Variants in NAALADL2 observed in about 807,000 individuals in gnomAD.
NAALADL2 encodes the protein N-acetylated alpha-linked acidic dipeptidase like 2, also known as inactive N-acetylated-alpha-linked acidic dipeptidase-like protein 2.
A neutral mutation model predicts 87.2 loss-of-function variants in NAALADL2; 76 were observed. That is an observed-to-expected ratio of 0.87 (90% CI 0.72 to 1.05). The LOEUF (loss-of-function observed/expected upper bound fraction) is 1.05. Among genes scored for constraint, NAALADL2 ranks in the 50% least tolerant of loss-of-function variants. The probability of loss-of-function intolerance (pLI) is 0.00; values close to 1 mark genes in which losing one functional copy is unlikely to be tolerated. For synonymous variants in NAALADL2, 354 were observed against 331.0 expected (o/e 1.07, Z -0.75); for missense variants, 1,089 against 945.8 (o/e 1.15, Z -1.99).
At chr3:175,371,375 C>G (rs28762974) in intron 5 of NAALADL2, among the ~76,000 whole-genome samples, 37,541 of 151,930 alleles carry the variant, frequency 0.25, 4,795 homozygotes, top group Admixed American at 0.27. Flanking sequence ...TCTCGCCGTT[C>G]TCCTGCCTCA....
At chr3:174,748,815 C>T (rs1405203979) in intron 3 of NAALADL2, among the ~76,000 whole-genome samples, 2 of 152,212 alleles carry the variant, frequency 1.3e-5, no homozygotes, top group East Asian at 1.9e-4. Flanking sequence ...GTCTACAATG[C>T]AATAAGCCAA....
chr3:175,216,693 G>T (rs1449961214), intron 2 of NAALADL2, among the ~76,000 whole-genome samples: 1 of 117,766 alleles, frequency 8.5e-6, no homozygotes, highest in Non-Finnish European at 1.6e-5. Flanking sequence ...TTTTGAGAAG[G>T]TGTCTCGCCC....
At chr3:175,371,484 T>C (rs189300942) in intron 5 of NAALADL2, among the ~76,000 whole-genome samples, 4 of 152,034 alleles carry the variant, frequency 2.6e-5, no homozygotes, top group African/African-American at 9.6e-5. Context: ...AGTCAAGATA[T>C]GGATAATATT....
intron 1 of NAALADL2, among the ~76,000 whole-genome samples, chr3:174,954,360 T>C (rs947715756): frequency 1.3e-5 from 2 of 152,154 alleles, no homozygotes; most frequent in Admixed American, 6.6e-5. Context: ...AATTAAGTTA[T>C]TAAATGAAAA....
chr3:175,295,512 A>G (rs899498858), intron 4 of NAALADL2, among the ~76,000 whole-genome samples: 3 of 152,078 alleles, frequency 2.0e-5, no homozygotes, highest in African/African-American at 7.2e-5. Context: ...GTACAAAAAA[A>G]TTACTAAGGC....
intron 1 of NAALADL2, among the ~76,000 whole-genome samples, chr3:175,068,760 C>T (rs1471755651): frequency 1.3e-5 from 2 of 152,030 alleles, no homozygotes; most frequent in African/African-American, 4.8e-5. Flanking sequence ...AAACATTGGT[C>T]GAGTTATATT....
chr3:175,512,438 A>C (rs974268107), intron 9 of NAALADL2, among the ~76,000 whole-genome samples: 28 of 152,170 alleles, frequency 1.8e-4, no homozygotes, highest in African/African-American at 6.8e-4. Flanking sequence ...TGAATTTATA[A>C]GGCATTGTTA....
At chr3:175,280,098 A>G (rs983474603) in intron 4 of NAALADL2, among the ~76,000 whole-genome samples, 1 of 151,840 alleles carries the variant, frequency 6.6e-6, no homozygotes, top group Non-Finnish European at 1.5e-5. Context: ...CAGCACCCAC[A>G]TTCATCTGTT....
At chr3:174,468,421 C>G (rs894106608) in intron 1 of NAALADL2, among the ~76,000 whole-genome samples, 1 of 141,454 alleles carries the variant, frequency 7.1e-6, no homozygotes, top group African/African-American at 2.6e-5. Context: ...CTCACTCTTG[C>G]CCAGGCTGGA....
At chr3:175,040,859 C>T (rs1272410875) in intron 1 of NAALADL2, among the ~76,000 whole-genome samples, 1 of 152,066 alleles carries the variant, frequency 6.6e-6, no homozygotes, top group Non-Finnish European at 1.5e-5. Flanking sequence ...TTATACAGAA[C>T]CCCATATTTA....
At chr3:174,751,979 T>C (rs1734874073) in intron 3 of NAALADL2, among the ~76,000 whole-genome samples, 1 of 152,146 alleles carries the variant, frequency 6.6e-6, no homozygotes, top group African/African-American at 2.4e-5. Context: ...TTTTTTTCTT[T>C]TTCTTTTTAT....
In NAALADL2 at chr3:175,219,860, TTTTC is replaced by T. The variant is rs201916647; in HGVS notation, c.546-14063_546-14060del. Among the ~76,000 whole-genome samples, 210 of 144,650 alleles carry T rather than the reference TTTTC, an allele frequency of 1.5e-3. 3 individuals carry two copies. Among genetic ancestry groups the T allele is most frequent in the African/African-American group, 5.5e-3 (198 of 36,002 alleles). The allele number at this position is 144,650 out of a possible 152,430, so 94.9% of individuals were successfully genotyped here. ...AATTTCTCTCAATAATAGTTTGTGG[TTTTC>T]TTTCTTTTTTTTTTTTTTGCCTATC... On this transcript the variant is annotated intron_variant, in intron 2 of 13. Transcript: ENST00000454872.
At chr3:175,262,575 A>AGTGTGTGTGTGTGTGTGTGT (rs71164625) in intron 4 of NAALADL2, among the ~76,000 whole-genome samples, 18 of 147,122 alleles carry the variant, frequency 1.2e-4, no homozygotes, top group African/African-American at 4.0e-4. Context: ...ATGTTGTGTG[A>AGTGTGTGTGTGTGTGTGTGT]GTGTGTGTGT....
chr3:175,777,292 A>T (rs1750375045), intron 13 of NAALADL2, among the ~76,000 whole-genome samples: 1 of 151,982 alleles, frequency 6.6e-6, no homozygotes, highest in Non-Finnish European at 1.5e-5. Context: ...TACTTTTCTA[A>T]ATCCTGACTC....
chr3:175,765,069 A>C (rs1018837722), intron 13 of NAALADL2, among the ~76,000 whole-genome samples: 9 of 152,022 alleles, frequency 5.9e-5, no homozygotes, highest in African/African-American at 2.2e-4. Context: ...TTAGACTATG[A>C]AAAAAAACAG....
intron 2 of NAALADL2, 45 bp from the exon 3 acceptor site, chr3:175,233,886 A>C: frequency 9.1e-7 from 1 of 1,102,074 alleles, no homozygotes; most frequent in Non-Finnish European, 1.3e-6. Flanking sequence ...AAAAGAATAA[A>C]GTATTCTCCT....
chr3:175,693,684 A>T (rs1737347041), intron 11 of NAALADL2, among the ~76,000 whole-genome samples: 1 of 152,010 alleles, frequency 6.6e-6, no homozygotes, highest in South Asian at 2.1e-4. Context: ...TGACAGATTT[A>T]GTTTTGTTTG....
chr3:175,550,662 A>G (rs754451379), intron 9 of NAALADL2, among the ~76,000 whole-genome samples: 1 of 152,142 alleles, frequency 6.6e-6, no homozygotes, highest in Non-Finnish European at 1.5e-5. Context: ...GGCAGGATGG[A>G]TGCATTATTC....
At chr3:175,070,783 ATATT>A (rs1439264118) in intron 1 of NAALADL2, among the ~76,000 whole-genome samples, 3 of 152,116 alleles carry the variant, frequency 2.0e-5, no homozygotes, top group Non-Finnish European at 4.4e-5. Flanking sequence ...AAGTAAATAC[ATATT>A]TATTAATCCA....
Sources: gnomAD v4.1 joint callset for allele counts (sites outside exome capture counted in the v4.1 genomes callset) on GRCh38, gnomAD v4.1.1 for gene constraint, MANE v1.5 for transcripts, NCBI Gene and HGNC (gene_info 2026-07-23, HGNC 2026-07-21) for gene names.